ZBTB20: variants seen among roughly 807,000 people sequenced by gnomAD.
ZBTB20 encodes zinc finger and BTB domain-containing protein 20.
Under a neutral mutation model 56.9 loss-of-function variants are expected in ZBTB20, and 9 were observed. The observed-to-expected ratio is 0.16, with a 90% confidence interval of 0.10 to 0.28. The LOEUF is 0.28. Among genes scored for constraint, ZBTB20 ranks in the 10% least tolerant of loss-of-function variants. The pLI is 1.00. For missense variants in ZBTB20, 655 were observed against 1,003.0 expected (o/e 0.65, Z 4.69); for synonymous variants, 417 against 420.7 (o/e 0.99, Z 0.11).
chr3:115,015,173 T>A (rs1267623935), intron 2 of ZBTB20, among the ~76,000 whole-genome samples: 1 of 151,760 alleles, frequency 6.6e-6, no homozygotes, highest in African/African-American at 2.4e-5. Context: ...ACTAATTACA[T>A]AATAGTTATA....
At chr3:114,565,218 G>A (rs2052576163) in intron 6 of ZBTB20, among the ~76,000 whole-genome samples, 1 of 152,108 alleles carries the variant, frequency 6.6e-6, no homozygotes, top group Admixed American at 6.6e-5. Context: ...CATGAAACAC[G>A]CAGTCTCTAA....
intron 6 of ZBTB20, among the ~76,000 whole-genome samples, chr3:114,533,881 C>A (rs918474030): frequency 6.6e-6 from 1 of 152,128 alleles, no homozygotes; most frequent in Non-Finnish European, 1.5e-5. Flanking sequence ...TCATATCCAG[C>A]CAAACTAAGC....
chr3:114,535,796 G>A (rs898982885), intron 6 of ZBTB20, among the ~76,000 whole-genome samples: 1 of 152,136 alleles, frequency 6.6e-6, no homozygotes, highest in Non-Finnish European at 1.5e-5. Flanking sequence ...TATCCACCAC[G>A]ATCAAGTTGG....
chr3:114,594,266 C>CTTTT (rs1001656979), intron 6 of ZBTB20, among the ~76,000 whole-genome samples: 2 of 132,306 alleles, frequency 1.5e-5, no homozygotes, highest in Non-Finnish European at 1.6e-5. Context: ...TTCTCATATT[C>CTTTT]TTTTTTTTTT....
intron 2 of ZBTB20, among the ~76,000 whole-genome samples, chr3:114,997,046 T>C (rs2079057279): frequency 6.6e-6 from 1 of 151,880 alleles, no homozygotes; most frequent in Non-Finnish European, 1.5e-5. Flanking sequence ...GAGTGTAAAT[T>C]AGTTCAACCA....
At chr3:114,568,184 A>T (rs1028519558) in intron 6 of ZBTB20, among the ~76,000 whole-genome samples, 6 of 152,232 alleles carry the variant, frequency 3.9e-5, no homozygotes, top group African/African-American at 1.4e-4. Context: ...AGTACTTGCT[A>T]GTATGAGTAC....
chr3:114,907,134 T>A (rs764111780), intron 3 of ZBTB20, among the ~76,000 whole-genome samples: 9 of 151,806 alleles, frequency 5.9e-5, no homozygotes, highest in Non-Finnish European at 8.8e-5. Context: ...TAACAGCATA[T>A]CCTTTTCTAT....
chr3:114,514,551 A>C (rs1222917731), intron 6 of ZBTB20, among the ~76,000 whole-genome samples: 1 of 152,174 alleles, frequency 6.6e-6, no homozygotes, highest in Non-Finnish European at 1.5e-5. Flanking sequence ...AAGTACCTAA[A>C]AGTGTTTTCT....
intron 1 of ZBTB20, among the ~76,000 whole-genome samples, chr3:115,146,699 G>C (rs1354132169): frequency 6.6e-6 from 1 of 152,140 alleles, no homozygotes; most frequent in African/African-American, 2.4e-5. Context: ...ACGCTCCAGA[G>C]ACCGCGAGAG....
chr3:115,053,686 A>C (rs2081639248), intron 2 of ZBTB20, among the ~76,000 whole-genome samples: 1 of 152,148 alleles, frequency 6.6e-6, no homozygotes, highest in Admixed American at 6.5e-5. Flanking sequence ...TATTCTTTCT[A>C]TAATTTAAGA....
chr3:114,933,322 G>A (rs1463538703), intron 3 of ZBTB20, among the ~76,000 whole-genome samples: 2 of 152,226 alleles, frequency 1.3e-5, no homozygotes, highest in Non-Finnish European at 2.9e-5. Flanking sequence ...ACTGCTATGG[G>A]AAATGAGTTT....
intron 6 of ZBTB20, among the ~76,000 whole-genome samples, chr3:114,637,993 A>T (rs2059366757): frequency 6.6e-6 from 1 of 151,982 alleles, no homozygotes; most frequent in African/African-American, 2.4e-5. Context: ...TCATTCCCTC[A>T]TTCTTCCTAG....
At chr3:114,541,724 A>G (rs1019681306) in intron 6 of ZBTB20, among the ~76,000 whole-genome samples, 2 of 152,154 alleles carry the variant, frequency 1.3e-5, no homozygotes, top group African/African-American at 4.8e-5. Context: ...TTGAAAGAGT[A>G]ACTCAGAATA....
intron 7 of ZBTB20, among the ~76,000 whole-genome samples, chr3:114,433,532 G>A (rs2090276650): frequency 6.6e-6 from 1 of 152,180 alleles, no homozygotes; most frequent in Admixed American, 6.6e-5. Context: ...TATGGATTCA[G>A]AAAAGGTAAT....
chr3:114,924,931 T>C (rs2107775136), intron 3 of ZBTB20, among the ~76,000 whole-genome samples: 1 of 151,726 alleles, frequency 6.6e-6, no homozygotes, highest in African/African-American at 2.4e-5. Context: ...ACTAATTTAT[T>C]TATTTAATAT....
At position 115,055,187 on chromosome 3, in the gene ZBTB20, A is replaced by ATATCTCTC. The variant is rs374725671; in HGVS notation, c.-507+16031_-507+16032insGAGAGATA. Among the ~76,000 whole-genome samples the ATATCTCTC allele has an allele frequency of 1.6e-4, 17 of 103,184 alleles. 1 individual carries two copies. Among genetic ancestry groups the ATATCTCTC allele is most frequent in the African/African-American group, 6.4e-4 (16 of 25,170 alleles). 67.7% of individuals were successfully genotyped at this position (103,184 alleles called of 152,430 possible). ...TACAATCTTTTGCTCCCTCCTGGTA[A>ATATCTCTC]TCTCTCTCTCTCTCTCTCTCTCTCT... On this transcript the variant is annotated intron_variant, in intron 2 of 11. Transcript: ENST00000675478.
intron 1 of ZBTB20, among the ~76,000 whole-genome samples, chr3:115,110,244 C>G (rs2083837593): frequency 6.6e-6 from 1 of 151,602 alleles, no homozygotes; most frequent in Admixed American, 6.6e-5. Flanking sequence ...ATATTAATAG[C>G]AATCTGTCCA....
At chr3:114,707,554 C>G (rs2063786052) in intron 5 of ZBTB20, among the ~76,000 whole-genome samples, 1 of 152,184 alleles carries the variant, frequency 6.6e-6, no homozygotes, top group South Asian at 2.1e-4. Flanking sequence ...ATGCCCGACC[C>G]TTTCCCTAGA....
chr3:114,843,980 C>T lies in ZBTB20; in HGVS notation c.-416-42806G>A, dbSNP rs940959283. Among the ~76,000 whole-genome samples the T allele has an allele frequency of 3.4e-4, 52 of 152,022 alleles. 1 individual carries two copies. The highest frequency in any genetic ancestry group is 2.2e-3 in the Admixed American group (33 of 15,264). ...GGGATTACAGGCGTGAGCCACCGCA[C>T]ATGGCCATATTTTTATAAAGACTTG... On this transcript the variant is annotated intron_variant, in intron 4 of 11. Transcript: ENST00000675478.
Sources: allele counts gnomAD v4.1 joint callset (sites outside exome capture counted in the v4.1 genomes callset), GRCh38; gene constraint gnomAD v4.1.1; transcripts MANE v1.5; gene names NCBI Gene and HGNC (gene_info 2026-07-23, HGNC 2026-07-21).